Variants in MAT2B observed in about 807,000 individuals in gnomAD.
MAT2B encodes the protein methionine adenosyltransferase 2 subunit beta.
In MAT2B, 16 loss-of-function variants were observed where a neutral mutation model predicts 36.1. The ratio of observed to expected loss-of-function variants is 0.44; its 90% CI spans 0.30 to 0.67. The LOEUF (loss-of-function observed/expected upper bound fraction) is 0.67, where lower values mean the gene tolerates loss of function less well. Ranked by LOEUF, MAT2B falls within the 30% of genes least tolerant of loss-of-function variation. The probability of loss-of-function intolerance (pLI) is 0.09; values close to 1 mark genes in which losing one functional copy is unlikely to be tolerated. For synonymous variants in MAT2B, 148 were observed against 136.9 expected (o/e 1.08, Z -0.57); for missense variants, 332 against 398.2 (o/e 0.83, Z 1.42).
At chr5:163,506,187 C>CT (rs1759934260) in intron 1 of MAT2B, among the ~76,000 whole-genome samples, 2 of 152,180 alleles carry the variant, frequency 1.3e-5, no homozygotes, top group South Asian at 4.1e-4. Context: ...TTATTGAACT[C>CT]TTAAGTTCTC....
chr5:163,515,636 CAA>C (rs1397115887), intron 4 of MAT2B, among the ~76,000 whole-genome samples: 1 of 151,256 alleles, frequency 6.6e-6, no homozygotes, highest in Non-Finnish European at 1.5e-5. Flanking sequence ...AGCATCCAGT[CAA>C]AGACTATTCA....
chr5:163,505,690 G>A lies in MAT2B; in HGVS notation c.4G>A (p.Val2Met). The A allele has an allele frequency of 7.8e-7, 1 of 1,284,214 alleles. No individual in the cohort carries two copies. Among genetic ancestry groups the A allele is most frequent in the South Asian group, 3.6e-5 (1 of 27,686 alleles). The allele number at this position is 1,284,214 out of a possible 1,614,324, so 79.6% of individuals were successfully genotyped here. A position where few individuals can be genotyped will look rare whatever the true frequency, so the allele number is the denominator to read the frequency against. M[V>M]GREKELSIHF... ...CTGCGGCGTGAAGACGGCGGGCATGGTGGGGCGGGAGAAAGAGCTCTCTAT... is the reference window on the plus strand; with the variant it reads ...CTGCGGCGTGAAGACGGCGGGCATGATGGGGCGGGAGAAAGAGCTCTCTAT... The change falls in exon 1 of 7, where the codon GTG becomes ATG. Residue 2 changes from valine (V) to methionine (M), a missense_variant. Transcript: ENST00000321757.
chr5:163,504,234 T>C (rs1040008118), upstream of MAT2B, among the ~76,000 whole-genome samples: 3 of 152,098 alleles, frequency 2.0e-5, no homozygotes, highest in African/African-American at 7.2e-5. Flanking sequence ...CGCCCTCTTC[T>C]TTGTTGTCCC....
rs1760056664 is a variant in MAT2B at position 163,512,144 on chromosome 5, A to G, written c.206A>G (p.Gln69Arg). 6.2e-7 allele frequency: 1 copy of G among 1,614,024 alleles called. No homozygotes were observed. Among genetic ancestry groups the G allele is most frequent in the South Asian group, 1.1e-5 (1 of 91,082 alleles). Residue 69 changes from glutamine (Q) to arginine (R), a missense_variant, in exon 2 of 7, where the codon CAG becomes CGG. By Grantham distance (43) the Gln-to-Arg change is conservative. Transcript: ENST00000321757. ...AGAAGAGCAAGACCAAAATTTGAAC[A>G]GGTTAATCTGTTGGATTCTAATGCA... Reference protein sequence around the residue: ...GFRRARPKFEQVNLLDSNAVH... With the variant: ...GFRRARPKFERVNLLDSNAVH...
upstream of MAT2B, chr5:163,503,416 A>G (rs1278766303): frequency 1.2e-6 from 2 of 1,614,024 alleles, no homozygotes; most frequent in Non-Finnish European, 8.5e-7. Flanking sequence ...GCCAGAGGAC[A>G]TGGAGCAGGT....
chr5:163,517,762 C>G, intron 6 of MAT2B, 88 bp downstream of exon 6: 1 of 768,832 alleles, frequency 1.3e-6, no homozygotes, highest in Non-Finnish European at 2.2e-6. Context: ...CAGTACTAAT[C>G]AAAGTGAACT....
chr5:163,517,050 GAA>G (rs1346430837), intron 5 of MAT2B: 2 of 396,500 alleles, frequency 5.0e-6, no homozygotes, highest in Non-Finnish European at 9.0e-6. Context: ...CAGCACATTT[GAA>G]AAAGTTGGTA....
chr5:163,506,319 C>T (rs571716262), intron 1 of MAT2B, among the ~76,000 whole-genome samples: 5 of 152,146 alleles, frequency 3.3e-5, no homozygotes, highest in Admixed American at 6.5e-5. Context: ...CAGGTTCATT[C>T]CGTAAGGTTG....
chr5:163,508,719 G>A (rs998620911), intron 1 of MAT2B, among the ~76,000 whole-genome samples: 1 of 151,840 alleles, frequency 6.6e-6, no homozygotes, highest in African/African-American at 2.4e-5. Context: ...CTGGGTTCGA[G>A]CGATTCTCCT....
At chr5:163,516,185 A>G (rs1486176377) in intron 4 of MAT2B, among the ~76,000 whole-genome samples, 1 of 152,144 alleles carries the variant, frequency 6.6e-6, no homozygotes, top group African/African-American at 2.4e-5. Context: ...AGCTGGGACT[A>G]CAGGCATGTG....
At position 163,518,954 on chromosome 5, in the gene MAT2B, C is replaced by G. The variant is rs372905622; in HGVS notation, c.*591C>G. ...AGTTTATGGGGAGCACTTGAAAGAG[C>G]GTGTGTACATGTATTTTTTTTCTAG... On this transcript the variant is annotated 3_prime_UTR_variant, in exon 7 of 7. Transcript: ENST00000321757. 11 of 152,516 alleles carry G rather than the reference C, an allele frequency of 7.2e-5. 1 individual carries two copies. The highest frequency in any genetic ancestry group is 6.6e-4 in the Admixed American group (10 of 15,258). The allele number at this position is 152,516 out of a possible 1,614,324, so 9.4% of individuals were successfully genotyped here.
At chr5:163,509,852 G>C (rs1384227117) in intron 1 of MAT2B, among the ~76,000 whole-genome samples, 1 of 152,168 alleles carries the variant, frequency 6.6e-6, no homozygotes, top group Non-Finnish European at 1.5e-5. Flanking sequence ...TTAGAGCCAA[G>C]TTTTGCAACA....
In MAT2B at chr5:163,506,488, C is replaced by A. The variant is rs181132602; in HGVS notation, c.63+739C>A. Among the ~76,000 whole-genome samples, 385 of 152,270 alleles carry A rather than the reference C, an allele frequency of 2.5e-3. 2 individuals are homozygous for A. The highest frequency in any genetic ancestry group is 8.8e-3 in the African/African-American group (364 of 41,550). On this transcript the variant is annotated intron_variant, in intron 1 of 6. Coordinates refer to ENST00000321757, the MANE Select transcript of MAT2B (RefSeq NM_013283.5). ...CTCCATTCCACTTAAGGGCCTCCAG[C>A]ATTAATCTGTCCACAGAACATATCC...
chr5:163,511,999 TAGG>T lies in MAT2B; in HGVS notation c.66_68del (p.Glu23del). The stretch of plus-strand genomic sequence containing the variant: ...ACTCTTTCTATCCGCCTTCACCTTT[TAGG>T]AGGAAGTTAACATCCCTAATAGGAG... On this transcript the variant is annotated splice_acceptor_variant and coding_sequence_variant, in exon 2 of 7. Coordinates refer to ENST00000321757, the MANE Select transcript of MAT2B (RefSeq NM_013283.5). LOFTEE classifies it high-confidence loss of function. 6.2e-7 allele frequency: 1 copy of T among 1,609,334 alleles called. No homozygotes were observed. Among genetic ancestry groups the T allele is most frequent in the Non-Finnish European group, 8.5e-7 (1 of 1,176,864 alleles).
At chr5:163,509,760 A>G (rs1160819620) in intron 1 of MAT2B, among the ~76,000 whole-genome samples, 1 of 152,148 alleles carries the variant, frequency 6.6e-6, no homozygotes, top group East Asian at 1.9e-4. Context: ...TTACAGTTCA[A>G]TCTTTGTAGA....
chr5:163,504,669 TACTTTCTGCATCAATTTCACAG>T (rs1759897966), upstream of MAT2B, among the ~76,000 whole-genome samples: 1 of 152,258 alleles, frequency 6.6e-6, no homozygotes, highest in African/African-American at 2.4e-5. Context: ...TGCCAGGGTT[TACTTTCTGCATCAATTTCACAG>T]GCGTCCAGCC....
At chr5:163,509,949 A>G (rs1227401935) in intron 1 of MAT2B, among the ~76,000 whole-genome samples, 1 of 152,184 alleles carries the variant, frequency 6.6e-6, no homozygotes, top group Non-Finnish European at 1.5e-5. Context: ...TTACCTTTAT[A>G]CTATCTTTCC....
chr5:163,510,815 T>G (rs1040614606), intron 1 of MAT2B, among the ~76,000 whole-genome samples: 5 of 152,352 alleles, frequency 3.3e-5, no homozygotes, highest in African/African-American at 1.2e-4. Flanking sequence ...TCCTCGTATA[T>G]TCCTTTGAAA....
intron 1 of MAT2B, among the ~76,000 whole-genome samples, chr5:163,508,537 C>T (rs747833420): frequency 3.9e-5 from 6 of 152,114 alleles, no homozygotes; most frequent in African/African-American, 1.2e-4. Flanking sequence ...GGCACCCGGC[C>T]TCAAACTGCT....
Sources: gnomAD v4.1 joint callset for allele counts (sites outside exome capture counted in the v4.1 genomes callset) on GRCh38, gnomAD v4.1.1 for gene constraint, MANE v1.5 for transcripts, NCBI Gene and HGNC (gene_info 2026-07-23, HGNC 2026-07-21) for gene names.